GAREM1: variants seen among roughly 807,000 people sequenced by gnomAD.
GAREM1 encodes GRB2 associated regulator of MAPK1 subtype 1.
GAREM1 carries 26 observed loss-of-function variants against 71.3 expected under a neutral mutation model. That is an observed-to-expected ratio of 0.36 (90% confidence interval 0.27 to 0.51). The LOEUF is 0.51. GAREM1 is among the 20% of genes least tolerant of loss of function. The pLI is 0.95. For synonymous variants in GAREM1, 440 were observed against 433.2 expected (o/e 1.02, Z -0.20); for missense variants, 1,026 against 1,103.1 (o/e 0.93, Z 0.99).
At chr18:32,466,016 C>T (rs577622382) in intron 1 of GAREM1, among the ~76,000 whole-genome samples, 5 of 152,144 alleles carry the variant, frequency 3.3e-5, no homozygotes, top group Non-Finnish European at 7.4e-5. Context: ...AATATTGATT[C>T]GTGTTGCAGG....
intron 1 of GAREM1, among the ~76,000 whole-genome samples, chr18:32,455,270 A>G (rs1437322801): frequency 3.3e-5 from 5 of 152,188 alleles, no homozygotes; most frequent in Non-Finnish European, 1.5e-5. Flanking sequence ...AATCAGGAAT[A>G]TAAGTCCATG....
At chr18:32,392,138 G>A (rs1418651945) in intron 2 of GAREM1, among the ~76,000 whole-genome samples, 5 of 151,942 alleles carry the variant, frequency 3.3e-5, no homozygotes, top group African/African-American at 1.2e-4. Context: ...AACAATACTA[G>A]AGAAAAGGCT....
intron 2 of GAREM1, among the ~76,000 whole-genome samples, chr18:32,357,173 A>T (rs966688284): frequency 7.2e-5 from 11 of 152,302 alleles, no homozygotes; most frequent in Admixed American, 3.3e-4. Flanking sequence ...CTTACAAGTC[A>T]TTCCGCAAAA....
intron 2 of GAREM1, among the ~76,000 whole-genome samples, chr18:32,345,818 T>A (rs2047690205): frequency 6.6e-6 from 1 of 152,200 alleles, no homozygotes; most frequent in Admixed American, 6.5e-5. Context: ...CAAAAGCAGA[T>A]TACTGATGGT....
intron 2 of GAREM1, among the ~76,000 whole-genome samples, chr18:32,381,681 G>A (rs1281082341): frequency 6.6e-6 from 1 of 152,182 alleles, no homozygotes; most frequent in Non-Finnish European, 1.5e-5. Flanking sequence ...ACCTGCAGGG[G>A]AGGGAGGACA....
intron 1 of GAREM1, among the ~76,000 whole-genome samples, chr18:32,438,750 T>C (rs577897093): frequency 1.3e-5 from 2 of 152,300 alleles, no homozygotes; most frequent in Admixed American, 1.3e-4. Flanking sequence ...TATAATAACA[T>C]TACCTTCCGA....
intron 2 of GAREM1, among the ~76,000 whole-genome samples, chr18:32,372,291 T>C (rs2047988356): frequency 2.0e-5 from 3 of 152,236 alleles, no homozygotes; most frequent in African/African-American, 7.2e-5. Context: ...TTATCAGAAT[T>C]GTAAACATAC....
chr18:32,291,186 G>A (rs909899797), intron 3 of GAREM1, among the ~76,000 whole-genome samples: 2 of 151,604 alleles, frequency 1.3e-5, no homozygotes, highest in African/African-American at 4.8e-5. Flanking sequence ...GAATGCATAT[G>A]AAATGACTTT....
In GAREM1 at chr18:32,470,774, G is replaced by T. The variant is rs937719177; in HGVS notation, c.-346C>A. Among the ~76,000 whole-genome samples the T allele has an allele frequency of 1.3e-5, 2 of 150,002 alleles. No homozygotes were observed. Among genetic ancestry groups the T allele is most frequent in the African/African-American group, 4.9e-5 (2 of 41,226 alleles). On this transcript the variant is annotated 5_prime_UTR_variant, in exon 1 of 6. Coordinates refer to ENST00000269209, the MANE Select transcript of GAREM1 (RefSeq NM_001242409.2). The surrounding 1 kb of genome is among the most constrained non-coding windows in gnomAD (Gnocchi z 4.4). ...TGGCCCTGGGTCTGCAGCTGCGGCG[G>T]CCGCCCGCTCGCCTCCTCCTCCTCT... is the stretch of plus-strand genomic sequence containing the variant.
chr18:32,307,793 GATTACAGGT>G (rs1410134043), intron 3 of GAREM1, among the ~76,000 whole-genome samples: 1 of 152,148 alleles, frequency 6.6e-6, no homozygotes, highest in Non-Finnish European at 1.5e-5. Flanking sequence ...AAAGTGCTGG[GATTACAGGT>G]GTGAGCCACT....
chr18:32,275,014 G>A, intron 4 of GAREM1, among the ~76,000 whole-genome samples: 1 of 151,474 alleles, frequency 6.6e-6, no homozygotes, highest in East Asian at 1.9e-4. Flanking sequence ...TCTTTTATAT[G>A]TTTATGTGGA....
intron 4 of GAREM1, among the ~76,000 whole-genome samples, chr18:32,280,020 T>A (rs180813335): frequency 1.7e-3 from 254 of 152,314 alleles, no homozygotes; most frequent in African/African-American, 5.7e-3. Context: ...AAGCTTGTAA[T>A]TAAAATTAAT....
At chr18:32,304,520 A>C (rs2047231668) in intron 3 of GAREM1, among the ~76,000 whole-genome samples, 1 of 152,178 alleles carries the variant, frequency 6.6e-6, no homozygotes, top group African/African-American at 2.4e-5. Context: ...CAACTACTTA[A>C]TTGTGCTGTT....
At chr18:32,456,151 T>C (rs1284562676) in intron 1 of GAREM1, among the ~76,000 whole-genome samples, 1 of 152,086 alleles carries the variant, frequency 6.6e-6, no homozygotes. Context: ...TTTAAAACTC[T>C]TAAATGGAAA....
rs1439874488 is a variant in GAREM1, at chr18:32,267,815, C to A, written c.*56G>T. ...AACATGAAATTGTGTCCCAGCCCAC[C>A]CCTTCTAGCACACGCATTGATCAGT... On this transcript the variant is annotated 3_prime_UTR_variant, in exon 6 of 6. Coordinates refer to ENST00000269209, the MANE Select transcript of GAREM1 (RefSeq NM_001242409.2). 2 of 1,402,696 alleles carry A rather than the reference C, an allele frequency of 1.4e-6. No homozygotes were observed. Among genetic ancestry groups the A allele is most frequent in the Admixed American group, 4.1e-5 (2 of 48,474 alleles). The allele number at this position is 1,402,696 out of a possible 1,614,324, so 86.9% of individuals were successfully genotyped here. A position where few individuals can be genotyped will look rare whatever the true frequency, so the allele number is the denominator to read the frequency against.
intron 3 of GAREM1, among the ~76,000 whole-genome samples, chr18:32,295,522 C>G (rs945729194): frequency 6.6e-6 from 1 of 152,116 alleles, no homozygotes; most frequent in African/African-American, 2.4e-5. Context: ...GGTAAAGTAA[C>G]TGACTACGTT....
chr18:32,288,529 C>T (rs2047049953), intron 3 of GAREM1, among the ~76,000 whole-genome samples: 1 of 151,406 alleles, frequency 6.6e-6, no homozygotes, highest in Non-Finnish European at 1.5e-5. Context: ...GTAGAAAATT[C>T]CTTGTTTTTT....
At chr18:32,272,699 T>C (rs560782715) in intron 4 of GAREM1, among the ~76,000 whole-genome samples, 1 of 151,998 alleles carries the variant, frequency 6.6e-6, no homozygotes, top group Non-Finnish European at 1.5e-5. Flanking sequence ...TCTTGGCTCA[T>C]TGCAACCTCC....
chr18:32,374,810 C>A (rs967893474), intron 2 of GAREM1, among the ~76,000 whole-genome samples: 8 of 152,064 alleles, frequency 5.3e-5, no homozygotes, highest in Admixed American at 5.2e-4. Flanking sequence ...GTGAAGAATG[C>A]AAAGATAAAT....
Sources: gnomAD v4.1 joint callset for allele counts (sites outside exome capture counted in the v4.1 genomes callset) on GRCh38, gnomAD v4.1.1 for gene constraint, Gnocchi (gnomAD v3.1) non-coding constraint, MANE v1.5 for transcripts, NCBI Gene and HGNC (gene_info 2026-07-23, HGNC 2026-07-21) for gene names.